The following LGI3 variants were observed in gnomAD, a reference collection of about 807,000 sequenced individuals.
The protein encoded by LGI3 is leucine rich repeat LGI family member 3, also known as leucine-rich repeat LGI family member 3.
In LGI3, 47 loss-of-function variants were observed where a neutral mutation model predicts 55.4. That is an observed-to-expected ratio of 0.85 (90% CI 0.67 to 1.08). The LOEUF (loss-of-function observed/expected upper bound fraction) is 1.08, where lower values mean the gene tolerates loss of function less well. LGI3 is among the 50% of genes least tolerant of loss of function. The pLI is 0.00. For missense variants in LGI3, 664 were observed against 726.3 expected (o/e 0.91, Z 0.99); for synonymous variants, 326 against 315.0 (o/e 1.04, Z -0.37).
In LGI3 at chr8:22,151,579, A is replaced by G. The variant is rs1827378769; in HGVS notation, c.739T>C (p.Leu247=). 3 of 1,614,038 alleles carry G rather than the reference A, an allele frequency of 1.9e-6. No homozygotes were observed. The highest frequency in any genetic ancestry group is 1.3e-5 in the African/African-American group (1 of 75,024). Residue 247 remains leucine, a synonymous_variant, in exon 7 of 8, where the codon TTG becomes CTG. Coordinates refer to ENST00000306317, the MANE Select transcript of LGI3 (RefSeq NM_139278.4). ...CTGACTCCTGGCTGGGCCAGAGCCA[A>G]ATAGAGGTCACTGGAGTAGAGGAAG... ...EPFLYSSDLY[L]ALAQPGVSAC...
In LGI3 at chr8:22,148,130, CCCT is replaced by C; in HGVS notation, c.*27_*29del. 1 of 1,546,502 alleles carries C rather than the reference CCCT, an allele frequency of 6.5e-7. No individual in the cohort carries two copies. The highest frequency in any genetic ancestry group is 8.7e-7 in the Non-Finnish European group (1 of 1,147,606). On this transcript the variant is annotated 3_prime_UTR_variant, in exon 8 of 8. Coordinates refer to ENST00000306317, the MANE Select transcript of LGI3 (RefSeq NM_139278.4). The surrounding 1 kb of genome is among the most constrained non-coding windows in gnomAD (Gnocchi z 7.0). Reference sequence around the variant, plus strand: ...GCCCCCACCCATCCTCCAGTGGCCACCCTGAGGAGACCAGAGGCCTCGGCACCC... The same window carrying C: ...GCCCCCACCCATCCTCCAGTGGCCACGAGGAGACCAGAGGCCTCGGCACCC...
At chr8:22,155,154 C>A (rs531515718) in intron 2 of LGI3, 2 of 556,172 alleles carry the variant, frequency 3.6e-6, no homozygotes, top group African/African-American at 1.9e-5. Flanking sequence ...AGCCCATCCC[C>A]GCATCCCACT....
chr8:22,154,990 G>A (rs985435610), intron 2 of LGI3: 14 of 413,068 alleles, frequency 3.4e-5, no homozygotes, highest in Middle Eastern at 1.4e-3. Flanking sequence ...TGTAGGGTTG[G>A]AGACACTCCT....
chr8:22,152,139 G>A (rs1362310533), intron 5 of LGI3, 139 bp from the exon 6 acceptor site: 2 of 649,922 alleles, frequency 3.1e-6, no homozygotes, highest in Non-Finnish European at 5.1e-6. Flanking sequence ...TGTAAGATTA[G>A]AGAAAAGTTT....
chr8:22,151,316 T>C (rs1307348474), intron 7 of LGI3, among the ~76,000 whole-genome samples, 173 bp downstream of exon 7: 1 of 152,196 alleles, frequency 6.6e-6, no homozygotes, highest in East Asian at 1.9e-4. Context: ...GCCTATCATA[T>C]GGATGTTATC....
chr8:22,154,810 C>A, intron 2 of LGI3, 179 bp from the exon 3 acceptor site: 1 of 592,916 alleles, frequency 1.7e-6, no homozygotes, highest in Non-Finnish European at 3.0e-6. Flanking sequence ...CCTGTTCTGG[C>A]CCCAGAAGCT....
intron 7 of LGI3, among the ~76,000 whole-genome samples, chr8:22,150,351 A>AT (rs61084616): frequency 0.064 from 4,685 of 72,698 alleles, 527 homozygotes; most frequent in African/African-American, 0.076. Flanking sequence ...TAAGCCTTCT[A>AT]TTTTTTTTTT....
Position 22,156,381 on chromosome 8 carries a change from G to C in LGI3, c.162C>G (p.Asp54Glu). Reference protein sequence around the residue: ...SCTRDTAFCVDSKAVPRNLPS... With the variant: ...SCTRDTAFCVESKAVPRNLPS... ...GCAGGTTCCTGGGCACCGCCTTTGA[G>C]TCCACGCAGAAGGCGGTGTCCCTGG... The change falls in exon 1 of 8, where the codon GAC (aspartate) becomes GAG (glutamate). Residue 54 changes from aspartate to glutamate, a missense_variant. Physicochemically the swap from Asp to Glu is conservative, Grantham distance 45. Transcript: ENST00000306317. 1 of 1,605,828 alleles carries C rather than the reference G, an allele frequency of 6.2e-7. No homozygotes were observed. The highest frequency in any genetic ancestry group is 8.5e-7 in the Non-Finnish European group (1 of 1,177,068).
Position 22,155,467 on chromosome 8 carries a change from CG to C in LGI3, c.207-5del. ...GAAGGCGGCATTCACCAGGGTCCTG[CG>C]GGGACACCCGAGTCAGTACTGTGGG... is the stretch of plus-strand genomic sequence containing the variant. On this transcript the variant is annotated splice_polypyrimidine_tract_variant and splice_region_variant and intron_variant, in intron 1 of 7. Coordinates refer to ENST00000306317, the MANE Select transcript of LGI3 (RefSeq NM_139278.4). 1 of 1,613,318 alleles carries C rather than the reference CG, an allele frequency of 6.2e-7. No homozygotes were observed. Among genetic ancestry groups the C allele is most frequent in the Non-Finnish European group, 8.5e-7 (1 of 1,179,724 alleles).
At chr8:22,155,078 C>T (rs1827469592) in intron 2 of LGI3, 1 of 453,110 alleles carries the variant, frequency 2.2e-6, no homozygotes, top group African/African-American at 2.0e-5. Flanking sequence ...GATGGCCCCA[C>T]AGTGCCCACC....
intron 5 of LGI3, among the ~76,000 whole-genome samples, chr8:22,153,712 A>G (rs1245508546): frequency 8.3e-6 from 1 of 119,954 alleles, no homozygotes; most frequent in South Asian, 2.3e-4. Flanking sequence ...GTCTATAATT[A>G]AAAAAAAAAA....
chr8:22,148,385 A>G lies in LGI3; in HGVS notation c.1422T>C (p.Leu474=). The G allele has an allele frequency of 6.2e-7, 1 of 1,613,346 alleles. No homozygotes were observed. Among genetic ancestry groups the G allele is most frequent in the Non-Finnish European group, 8.5e-7 (1 of 1,179,862 alleles). Residue 474 remains leucine (L), a synonymous_variant, in exon 8 of 8, where the codon CTT becomes CTC. Coordinates refer to ENST00000306317, the MANE Select transcript of LGI3 (RefSeq NM_139278.4). The surrounding 1 kb of genome is among the most constrained non-coding windows in gnomAD (Gnocchi z 7.0). ...GTGCCAGGTAGCGGCGGCCACCCAC[A>G]AGGAAGGGCTGCAGGGCCAGCGAGC... ...SRGSLALQPF[L]VGGRRYLALG...
intron 3 of LGI3, 69 bp downstream of exon 3, chr8:22,154,490 TC>T (rs1827460767): frequency 7.4e-7 from 1 of 1,344,266 alleles, no homozygotes. Flanking sequence ...CCCTACCCAG[TC>T]CCTCGGCCTC....
rs35142808 is a variant in LGI3 at position 22,151,540 on chromosome 8, G to C, written c.778C>G (p.Leu260Val). Reference protein sequence around the residue: ...AQPGVSACTILKWDYVERQLR... With the variant: ...AQPGVSACTIVKWDYVERQLR... ...TGCCGCTCAACATAGTCCCACTTCAGGATGGTGCAGGCACTGACTCCTGGC... is the reference window on the plus strand; with the variant it reads ...TGCCGCTCAACATAGTCCCACTTCACGATGGTGCAGGCACTGACTCCTGGC... Residue 260 changes from leucine (L) to valine (V), a missense_variant, in exon 7 of 8, where the codon CTG becomes GTG. Transcript: ENST00000306317. 14 of 1,614,002 alleles carry C rather than the reference G, an allele frequency of 8.7e-6. No homozygotes were observed. The South Asian group carries it at 1.2e-4, about 14-fold the overall frequency.
chr8:22,154,870 G>C (rs1827467033), intron 2 of LGI3: 1 of 543,160 alleles, frequency 1.8e-6, no homozygotes, highest in Admixed American at 3.2e-5. Flanking sequence ...GAGCTCTCTT[G>C]TCAAGCCAGC....
intron 7 of LGI3, 152 bp from the exon 8 acceptor site, chr8:22,149,129 C>A (rs1827346571): frequency 8.2e-6 from 5 of 606,232 alleles, no homozygotes; most frequent in Non-Finnish European, 1.5e-5. Flanking sequence ...ATCCACTAAG[C>A]GCTCAATGCT....
In LGI3 at chr8:22,148,576, A is replaced by G. The variant is rs1827337140; in HGVS notation, c.1231T>C (p.Phe411Leu). Residue 411 changes from phenylalanine to leucine, a missense_variant, in exon 8 of 8, where the codon TTT (phenylalanine) becomes CTT (leucine). Physicochemically the swap from Phe to Leu is conservative, Grantham distance 22. Coordinates refer to ENST00000306317, the MANE Select transcript of LGI3 (RefSeq NM_139278.4). The surrounding 1 kb of genome is among the most constrained non-coding windows in gnomAD (Gnocchi z 7.0). ...IYQWSRTQKQ[F>L]VAQGEVTQVP... is the part of the protein sequence containing the mutation. ...TGGGTCACCTCACCCTGGGCCACAAACTGCTTCTGGGTGCGACTCCACTGA... is the reference window on the plus strand; with the variant it reads ...TGGGTCACCTCACCCTGGGCCACAAGCTGCTTCTGGGTGCGACTCCACTGA... 3.7e-6 allele frequency: 6 copies of G among 1,613,802 alleles called. No homozygotes were observed. Among genetic ancestry groups the G allele is most frequent in the Non-Finnish European group, 5.1e-6 (6 of 1,179,998 alleles).
rs1586405592 is a variant in LGI3, at chr8:22,148,453, C to T, written c.1354G>A (p.Glu452Lys). The change falls in exon 8 of 8, where the codon GAG becomes AAG. Residue 452 changes from glutamate (E) to lysine (K), a missense_variant. By Grantham distance (56) the Glu-to-Lys change is moderately conservative. Coordinates refer to ENST00000306317, the MANE Select transcript of LGI3 (RefSeq NM_139278.4). The surrounding 1 kb of genome is among the most constrained non-coding windows in gnomAD (Gnocchi z 7.0). ...TGCACCTCCGAGAAGCGGGTACCCTCCCAGCGCAGGATCTTGGAGTCGCCA... is the reference window on the plus strand; with the variant it reads ...TGCACCTCCGAGAAGCGGGTACCCTTCCAGCGCAGGATCTTGGAGTCGCCA... ...YIGDSKILRWEGTRFSEVQAL... is the reference protein window; with the variant it reads ...YIGDSKILRWKGTRFSEVQAL... The T allele has an allele frequency of 1.9e-6, 3 of 1,612,428 alleles. No homozygotes were observed. The East Asian group carries it at 6.7e-5, about 36-fold the overall frequency.
At position 22,156,373 on chromosome 8, in the gene LGI3, G is replaced by A. The variant is rs898312256; in HGVS notation, c.170C>T (p.Ala57Val). The change falls in exon 1 of 8, where the codon GCG (alanine) becomes GTG (valine). Residue 57 changes from alanine (A) to valine (V), a missense_variant. By Grantham distance (64) the Ala-to-Val change is moderately conservative. Coordinates refer to ENST00000306317, the MANE Select transcript of LGI3 (RefSeq NM_139278.4). ...RDTAFCVDSK[A>V]VPRNLPSEVI... ...CTCCGAGGGCAGGTTCCTGGGCACC[G>A]CCTTTGAGTCCACGCAGAAGGCGGT... is the stretch of plus-strand genomic sequence containing the variant. 8.7e-6 allele frequency: 14 copies of A among 1,606,530 alleles called. No individual in the cohort carries two copies. The highest frequency in any genetic ancestry group is 1.2e-5 in the Non-Finnish European group (14 of 1,177,356).
Sources: allele counts gnomAD v4.1 joint callset (sites outside exome capture counted in the v4.1 genomes callset), GRCh38; gene constraint gnomAD v4.1.1; non-coding constraint Gnocchi (gnomAD v3.1); transcripts MANE v1.5; gene names NCBI Gene and HGNC (gene_info 2026-07-23, HGNC 2026-07-21).